Variants in CAV1 observed in about 807,000 individuals in gnomAD.
CAV1 encodes caveolin-1.
CAV1 carries 10 observed loss-of-function variants against 16.5 expected under a neutral mutation model. That is an observed-to-expected ratio of 0.61 (90% CI 0.37 to 1.03). CAV1 has a LOEUF of 1.03. CAV1 is among the 50% of genes least tolerant of loss of function. The probability of loss-of-function intolerance (pLI) is 0.01; values close to 1 mark genes in which losing one functional copy is unlikely to be tolerated. For synonymous variants in CAV1, 76 were observed against 85.1 expected (o/e 0.89, Z 0.59); for missense variants, 212 against 232.8 (o/e 0.91, Z 0.58).
rs934526384 is a variant in CAV1, at chr7:116,559,954, T to A, written c.*667T>A. The A allele has an allele frequency of 1.3e-5, 5 of 397,584 alleles. No homozygotes were observed. Among genetic ancestry groups the A allele is most frequent in the Non-Finnish European group, 2.2e-5 (5 of 225,678 alleles). 24.6% of individuals were successfully genotyped at this position (397,584 alleles called of 1,614,324 possible). A position where few individuals can be genotyped will look rare whatever the true frequency, so the allele number is the denominator to read the frequency against. ...TAACAAGACCTCAGTGCCTTCCTGT[T>A]TTTCACATTTTCCTTTTCAAATAGG... On this transcript the variant is annotated 3_prime_UTR_variant, in exon 3 of 3. Transcript: ENST00000341049.
At chr7:116,529,409 T>C (rs970916490) in intron 2 of CAV1, among the ~76,000 whole-genome samples, 3 of 152,236 alleles carry the variant, frequency 2.0e-5, no homozygotes, top group African/African-American at 4.8e-5. Context: ...AAATTTAAAA[T>C]TCAGTTCCTT....
chr7:116,529,067 T>G (rs1242826654), intron 2 of CAV1, among the ~76,000 whole-genome samples: 2 of 152,160 alleles, frequency 1.3e-5, no homozygotes, highest in Non-Finnish European at 2.9e-5. Flanking sequence ...TGACCTCAAG[T>G]GATCCACTGG....
intron 2 of CAV1, 61 bp downstream of exon 2, chr7:116,526,750 G>T: frequency 6.3e-7 from 1 of 1,597,524 alleles, no homozygotes; most frequent in South Asian, 1.1e-5. Context: ...GTTAGCCCGT[G>T]CATCCTTCTT....
At chr7:116,550,452 G>A (rs575339883) in intron 2 of CAV1, among the ~76,000 whole-genome samples, 2 of 152,312 alleles carry the variant, frequency 1.3e-5, no homozygotes, top group African/African-American at 4.8e-5. Context: ...CAGGCCTCCT[G>A]TTTTCAGCAG....
chr7:116,555,517 AAAGAGAGAGAGAGAGAGAGAGAGAG>A (rs1794255726), intron 2 of CAV1, among the ~76,000 whole-genome samples: 2 of 11,242 alleles, frequency 1.8e-4, no homozygotes, highest in Non-Finnish European at 3.4e-4. Context: ...AGAAAGAAAG[AAAGAGAGAGAGAGAGAGAGAGAGAG>A]AGAAAGAAAG....
chr7:116,525,120 C>A, intron 1 of CAV1, 28 bp downstream of exon 1: 1 of 1,614,154 alleles, frequency 6.2e-7, no homozygotes, highest in Non-Finnish European at 8.5e-7. Context: ...GGCGCCGGCT[C>A]GGGCGTGCGG....
At chr7:116,527,247 A>G (rs1793584222) in intron 2 of CAV1, among the ~76,000 whole-genome samples, 1 of 152,250 alleles carries the variant, frequency 6.6e-6, no homozygotes, top group Non-Finnish European at 1.5e-5. Context: ...GTACTTATTC[A>G]TATACATATG....
chr7:116,525,661 AAACTGC>A, intron 1 of CAV1: 6 of 1,089,008 alleles, frequency 5.5e-6, no homozygotes, highest in South Asian at 5.7e-5. Context: ...TCCCCTCCCC[AAACTGC>A]CACCATCACT....
At chr7:116,555,588 GAAA>G (rs1562838607) in intron 2 of CAV1, among the ~76,000 whole-genome samples, 4 of 74,788 alleles carry the variant, frequency 5.3e-5, no homozygotes, top group African/African-American at 2.0e-4. Flanking sequence ...AAGAAAGAAA[GAAA>G]GAAAGAAAGA....
chr7:116,551,029 G>C lies in CAV1; in HGVS notation c.196-7917G>C, dbSNP rs891052539. 2.0e-5 allele frequency among the ~76,000 whole-genome samples: 3 copies of C among 152,206 alleles called. No individual in the cohort carries two copies. The East Asian group carries it at 5.8e-4, about 29-fold the overall frequency. On this transcript the variant is annotated intron_variant, in intron 2 of 2. Coordinates refer to ENST00000341049, the MANE Select transcript of CAV1 (RefSeq NM_001753.5). ...AGGGCTGTCAGGAGTGGAGGAGAAAGAATGGCATATGCAAAAAGGAGCTGT... is the reference window on the plus strand; with the variant it reads ...AGGGCTGTCAGGAGTGGAGGAGAAACAATGGCATATGCAAAAAGGAGCTGT...
At chr7:116,525,116 G>A (rs200026328) in intron 1 of CAV1, 24 bp downstream of exon 1, 47 of 1,614,198 alleles carry the variant, frequency 2.9e-5, no homozygotes, top group African/African-American at 4.0e-5. Context: ...GGGGGGCGCC[G>A]GCTCGGGCGT....
intron 2 of CAV1, among the ~76,000 whole-genome samples, chr7:116,535,908 T>C (rs1793803255): frequency 6.6e-6 from 1 of 152,162 alleles, no homozygotes; most frequent in Non-Finnish European, 1.5e-5. Flanking sequence ...GAGACTTAAG[T>C]TTTGATGTTG....
At chr7:116,550,285 G>A (rs1017266561) in intron 2 of CAV1, among the ~76,000 whole-genome samples, 4 of 152,062 alleles carry the variant, frequency 2.6e-5, no homozygotes, top group Admixed American at 2.0e-4. Context: ...CCTTGCTTCC[G>A]CCAGGGGAGG....
chr7:116,558,899 T>C, intron 2 of CAV1, 47 bp from the exon 3 acceptor site: 1 of 1,425,170 alleles, frequency 7.0e-7, no homozygotes. Context: ...GTTTTTTTTC[T>C]CTTTTCTTCT....
At chr7:116,546,315 A>G (rs1335780560) in intron 2 of CAV1, among the ~76,000 whole-genome samples, 2 of 152,134 alleles carry the variant, frequency 1.3e-5, no homozygotes, top group African/African-American at 4.8e-5. Flanking sequence ...GACGCGAGAG[A>G]TGGCTCCGGG....
rs200284596 is a variant in CAV1, at chr7:116,532,977, T to C, written c.195+6288T>C. ...AAAATATTAGGCCCATAGGTTTATC[T>C]TCCTCAGTAGTCCACGAGATTTGAG... is the stretch of plus-strand genomic sequence containing the variant. On this transcript the variant is annotated intron_variant, in intron 2 of 2. Coordinates refer to ENST00000341049, the MANE Select transcript of CAV1 (RefSeq NM_001753.5). 4.6e-5 allele frequency among the ~76,000 whole-genome samples: 7 copies of C among 152,198 alleles called. No homozygotes were observed. The East Asian group carries it at 1.3e-3, about 29-fold the overall frequency.
intron 2 of CAV1, 121 bp downstream of exon 2, chr7:116,526,810 AC>A: frequency 9.2e-7 from 1 of 1,081,690 alleles, no homozygotes. Flanking sequence ...ACGCGCACAC[AC>A]ACACACACAC....
chr7:116,552,114 C>T (rs894239798), intron 2 of CAV1: 11 of 152,122 alleles, frequency 7.2e-5, no homozygotes, highest in Non-Finnish European at 1.5e-4. Context: ...TAAGTCCAGC[C>T]CACAATTAGA....
chr7:116,534,395 A>ATATATATTTTTTTTTT (rs1442237865), intron 2 of CAV1, among the ~76,000 whole-genome samples: 3 of 7,834 alleles, frequency 3.8e-4, no homozygotes, highest in Non-Finnish European at 7.9e-4. Flanking sequence ...ATATATATAT[A>ATATATATTTTTTTTTT]TTTTTTTTTT....
Sources: allele counts gnomAD v4.1 joint callset (sites outside exome capture counted in the v4.1 genomes callset), GRCh38; gene constraint gnomAD v4.1.1; transcripts MANE v1.5; gene names NCBI Gene and HGNC (gene_info 2026-07-23, HGNC 2026-07-21).